Variants in ATG5 observed in about 807,000 individuals in gnomAD.
ATG5 encodes the protein autophagy protein 5.
In ATG5, 14 loss-of-function variants were observed where a neutral mutation model predicts 36.5. The observed-to-expected ratio is 0.38, with a 90% CI of 0.25 to 0.60. The LOEUF (loss-of-function observed/expected upper bound fraction) is 0.60, where lower values mean the gene tolerates loss of function less well. ATG5 is among the 20% of genes least tolerant of loss of function. ATG5 has a pLI of 0.60. For missense variants in ATG5, 195 were observed against 326.7 expected (o/e 0.60, Z 3.11); for synonymous variants, 95 against 101.5 (o/e 0.94, Z 0.38).
At chr6:106,209,972 A>G (rs78289543) in intron 6 of ATG5, among the ~76,000 whole-genome samples, 1 of 152,322 alleles carries the variant, frequency 6.6e-6, no homozygotes, top group East Asian at 1.9e-4. Context: ...CAGGCTGCAT[A>G]TTGGAATTCC....
intron 6 of ATG5, among the ~76,000 whole-genome samples, chr6:106,226,885 G>A (rs1464349821): frequency 2.6e-5 from 4 of 151,996 alleles, no homozygotes; most frequent in Admixed American, 6.6e-5. Flanking sequence ...GAATGAATCA[G>A]CAAATCTAAA....
chr6:106,270,131 A>G (rs1779397689), intron 5 of ATG5, among the ~76,000 whole-genome samples: 1 of 152,076 alleles, frequency 6.6e-6, no homozygotes, highest in African/African-American at 2.4e-5. Flanking sequence ...TTCAGGAGCA[A>G]TCCTTCTCCA....
intron 5 of ATG5, among the ~76,000 whole-genome samples, chr6:106,275,412 C>T (rs558517120): frequency 1.3e-5 from 2 of 151,486 alleles, no homozygotes; most frequent in East Asian, 3.9e-4. Context: ...CACAAGACTA[C>T]TCAGTCTTAG....
chr6:106,192,806 T>C (rs1484348908), intron 7 of ATG5, among the ~76,000 whole-genome samples: 1 of 152,236 alleles, frequency 6.6e-6, no homozygotes, highest in East Asian at 1.9e-4. Context: ...ACGAGCTTTC[T>C]GATTACCACT....
At chr6:106,308,209 A>C (rs949004760) in intron 3 of ATG5, among the ~76,000 whole-genome samples, 155 bp downstream of exon 3, 5 of 152,254 alleles carry the variant, frequency 3.3e-5, no homozygotes, top group African/African-American at 1.2e-4. Flanking sequence ...ATTTTCAATA[A>C]CGTATTCTAG....
At chr6:106,251,774 A>T (rs1272649688) in intron 5 of ATG5, among the ~76,000 whole-genome samples, 1 of 151,486 alleles carries the variant, frequency 6.6e-6, no homozygotes, top group Non-Finnish European at 1.5e-5. Flanking sequence ...AAAGAAGAAA[A>T]GAAAAGGAGG....
intron 3 of ATG5, among the ~76,000 whole-genome samples, chr6:106,301,601 T>G (rs1474983248): frequency 6.6e-6 from 1 of 152,052 alleles, no homozygotes; most frequent in Non-Finnish European, 1.5e-5. Flanking sequence ...CCCTCCTATA[T>G]GCTGCTGGTT....
chr6:106,254,689 A>G (rs1026655730), intron 5 of ATG5, among the ~76,000 whole-genome samples: 21 of 152,158 alleles, frequency 1.4e-4, no homozygotes, highest in African/African-American at 5.1e-4. Flanking sequence ...AGTGTTTCCT[A>G]TTATCATTAT....
At position 106,308,375 on chromosome 6, in the gene ATG5, T is replaced by C; in HGVS notation, c.225A>G (p.Thr75=). The change falls in exon 3 of 8, where the codon ACA becomes ACG. Residue 75 remains threonine, a synonymous_variant. Coordinates refer to ENST00000369076, the MANE Select transcript of ATG5 (RefSeq NM_004849.4). ...ISEIWFEYEG[T]PLKWHYPIGL... Reference sequence around the variant, plus strand: ...AAAAATTCACTCACCATTTCAGTGGTGTGCCTTCATATTCAAACCATATCT... The same window carrying C: ...AAAAATTCACTCACCATTTCAGTGGCGTGCCTTCATATTCAAACCATATCT... 5.1e-6 allele frequency: 8 copies of C among 1,573,776 alleles called. No homozygotes were observed. Among genetic ancestry groups the C allele is most frequent in the Non-Finnish European group, 6.9e-6 (8 of 1,165,152 alleles).
chr6:106,226,154 T>C (rs563702611), intron 6 of ATG5, among the ~76,000 whole-genome samples: 2 of 152,298 alleles, frequency 1.3e-5, no homozygotes, highest in Admixed American at 6.5e-5. Context: ...GATTGGAAGA[T>C]ACTCTAGTTC....
chr6:106,262,124 G>A (rs7756241), intron 5 of ATG5, among the ~76,000 whole-genome samples: 1,902 of 152,336 alleles, frequency 0.012, 44 homozygotes, highest in African/African-American at 0.043. Flanking sequence ...CCAGGCTGGA[G>A]TGCAGTGGCA....
intron 5 of ATG5, among the ~76,000 whole-genome samples, chr6:106,249,205 G>A (rs1032174828): frequency 5.3e-5 from 8 of 152,136 alleles, no homozygotes; most frequent in African/African-American, 1.9e-4. Context: ...TCAGAGTTCA[G>A]AACATTTTCA....
At chr6:106,286,053 T>C (rs1243288375) in intron 4 of ATG5, among the ~76,000 whole-genome samples, 1 of 152,172 alleles carries the variant, frequency 6.6e-6, no homozygotes, top group Admixed American at 6.5e-5. Context: ...TGTCCACTCT[T>C]AACCCTACAA....
chr6:106,213,196 T>C (rs190100906), intron 6 of ATG5, among the ~76,000 whole-genome samples: 1 of 152,320 alleles, frequency 6.6e-6, no homozygotes, highest in African/African-American at 2.4e-5. Flanking sequence ...TTTACCAGGG[T>C]ATCACTATGC....
intron 7 of ATG5, among the ~76,000 whole-genome samples, chr6:106,195,664 T>C (rs1167443165): frequency 6.6e-6 from 1 of 152,076 alleles, no homozygotes. Flanking sequence ...ATGAAGTGTG[T>C]GTTCTGCAGT....
chr6:106,210,736 G>A (rs561412199), intron 6 of ATG5, among the ~76,000 whole-genome samples: 19 of 152,280 alleles, frequency 1.2e-4, no homozygotes, highest in African/African-American at 4.1e-4. Context: ...TGTGTTACTT[G>A]TGTGTCAATT....
At chr6:106,309,500 G>C (rs1012271535) in intron 2 of ATG5, among the ~76,000 whole-genome samples, 2 of 152,062 alleles carry the variant, frequency 1.3e-5, no homozygotes, top group South Asian at 4.1e-4. Context: ...CTATGAACAA[G>C]CTGCTGAATA....
intron 6 of ATG5, among the ~76,000 whole-genome samples, chr6:106,220,397 A>T (rs1302924145): frequency 6.6e-6 from 1 of 152,004 alleles, no homozygotes; most frequent in Non-Finnish European, 1.5e-5. Flanking sequence ...AAATTTAATA[A>T]AACCAAAAAA....
intron 4 of ATG5, chr6:106,283,453 T>C (rs1212399803): frequency 1.3e-5 from 2 of 152,174 alleles, no homozygotes; most frequent in African/African-American, 4.8e-5. Flanking sequence ...TGGAGTGCAG[T>C]GGCTACTCAC....
Sources: allele counts gnomAD v4.1 joint callset (sites outside exome capture counted in the v4.1 genomes callset), GRCh38; gene constraint gnomAD v4.1.1; transcripts MANE v1.5; gene names NCBI Gene and HGNC (gene_info 2026-07-23, HGNC 2026-07-21).